GRIK1: variants seen among roughly 807,000 people sequenced by gnomAD.
The protein encoded by GRIK1 is glutamate receptor ionotropic, kainate 1.
Under a neutral mutation model 105.7 loss-of-function variants are expected in GRIK1, and 69 were observed. The ratio of observed to expected loss-of-function variants is 0.65; its 90% CI spans 0.54 to 0.80. The LOEUF (loss-of-function observed/expected upper bound fraction) is 0.80. Ranked by LOEUF, GRIK1 falls within the 30% of genes least tolerant of loss-of-function variation. The probability of loss-of-function intolerance (pLI) is 0.00; values close to 1 mark genes in which losing one functional copy is unlikely to be tolerated. For synonymous variants in GRIK1, 438 were observed against 431.3 expected, an observed-to-expected ratio of 1.02 and a Z score of -0.19; for missense variants, 1,109 against 1,167.3, an observed-to-expected ratio of 0.95 and a Z score of 0.73.
intron 1 of GRIK1, among the ~76,000 whole-genome samples, chr21:29,892,438 C>A (rs1316091755): frequency 6.6e-6 from 1 of 152,158 alleles, no homozygotes; most frequent in East Asian, 1.9e-4. Flanking sequence ...GAATTTGAAA[C>A]CTATAATTGG....
chr21:29,826,302 G>A (rs1252607904), intron 1 of GRIK1, among the ~76,000 whole-genome samples: 22 of 152,072 alleles, frequency 1.4e-4, no homozygotes, highest in Non-Finnish European at 2.9e-5. Flanking sequence ...GTGGGTATGA[G>A]GGTTACTTTT....
chr21:29,910,724 T>C (rs2070783708), intron 1 of GRIK1, among the ~76,000 whole-genome samples: 1 of 152,144 alleles, frequency 6.6e-6, no homozygotes, highest in Non-Finnish European at 1.5e-5. Context: ...GGACATGTTG[T>C]ACTGCATCCT....
intron 1 of GRIK1, among the ~76,000 whole-genome samples, chr21:29,768,452 T>C (rs974901446): frequency 1.3e-5 from 2 of 152,172 alleles, no homozygotes; most frequent in Non-Finnish European, 2.9e-5. Context: ...TACTGAGCTG[T>C]CCACCACTAT....
rs146618561 is a variant in GRIK1 at position 29,695,476 on chromosome 21, CTATA to C, written c.119-1417_119-1414del. 9.9e-3 allele frequency among the ~76,000 whole-genome samples: 1,381 copies of C among 140,010 alleles called. 21 individuals are homozygous for C. Among genetic ancestry groups the C allele is most frequent in the African/African-American group, 0.033 (1,229 of 37,564 alleles). 91.9% of individuals were successfully genotyped at this position (140,010 alleles called of 152,430 possible). On this transcript the variant is annotated intron_variant, in intron 1 of 17. Coordinates refer to ENST00000327783, the MANE Select transcript of GRIK1 (RefSeq NM_001330994.2). ...TCTATCTATCTATCTATCTATCTAT[CTATA>C]TATATATATTTTGAGATGGAGTCTT...
At chr21:29,908,712 G>A (rs1444295931) in intron 1 of GRIK1, among the ~76,000 whole-genome samples, 1 of 152,118 alleles carries the variant, frequency 6.6e-6, no homozygotes, top group Admixed American at 6.6e-5. Flanking sequence ...AAGTAAACAG[G>A]TAACCAGTAT....
intron 1 of GRIK1, among the ~76,000 whole-genome samples, chr21:29,888,240 TCC>T: frequency 7.8e-6 from 1 of 128,752 alleles, no homozygotes; most frequent in East Asian, 2.3e-4. Flanking sequence ...TCTCCTTCCT[TCC>T]TTCCTTCTTT....
intron 15 of GRIK1, among the ~76,000 whole-genome samples, chr21:29,558,716 T>C (rs1485381604): frequency 1.3e-5 from 2 of 149,850 alleles, no homozygotes; most frequent in Non-Finnish European, 3.0e-5. Context: ...TATTTATATA[T>C]ATATTTTTTT....
rs190904420 is a variant in GRIK1, at chr21:29,825,803, T to C, written c.118+113580A>G. Among the ~76,000 whole-genome samples, 32 of 152,234 alleles carry C rather than the reference T, an allele frequency of 2.1e-4. 3 individuals are homozygous for C. Among genetic ancestry groups the C allele is most frequent in the Admixed American group, 1.9e-3 (29 of 15,262 alleles). The stretch of plus-strand genomic sequence containing the variant: ...CTATCCTTTACATAATTTTTAAGTC[T>C]GTAATGCACAGGCAGTCAGATTCTG... On this transcript the variant is annotated intron_variant, in intron 1 of 17. Transcript: ENST00000327783.
At chr21:29,879,308 T>G (rs1366201238) in intron 1 of GRIK1, among the ~76,000 whole-genome samples, 1 of 151,892 alleles carries the variant, frequency 6.6e-6, no homozygotes, top group Non-Finnish European at 1.5e-5. Context: ...GTTAGAGTGA[T>G]CAACAGAGAG....
chr21:29,845,140 G>C (rs1174615348), intron 1 of GRIK1, among the ~76,000 whole-genome samples: 1 of 151,874 alleles, frequency 6.6e-6, no homozygotes, highest in Admixed American at 6.6e-5. Context: ...AGAAACAATG[G>C]GTGCCTATCT....
At chr21:29,656,354 CA>C (rs3054331) in intron 4 of GRIK1, among the ~76,000 whole-genome samples, 81 of 51,098 alleles carry the variant, frequency 1.6e-3, no homozygotes, top group African/African-American at 2.2e-3. Flanking sequence ...GAGCGAGACT[CA>C]AAAAAAAAAA....
chr21:29,576,997 C>A lies in GRIK1; in HGVS notation c.2097G>T (p.Ala699=). The A allele has an allele frequency of 1.9e-6, 3 of 1,611,936 alleles. No individual in the cohort carries two copies. Among genetic ancestry groups the A allele is most frequent in the Non-Finnish European group, 2.5e-6 (3 of 1,178,360 alleles). ...AGGTCATTGTTGATCCATCTCTAACCGCCCCATATTCTATCTTGGTTTGCT... is the reference window on the plus strand; with the variant it reads ...AGGTCATTGTTGATCCATCTCTAACAGCCCCATATTCTATCTTGGTTTGCT... ...LAKQTKIEYG[A]VRDGSTMTFF... is the part of the protein sequence containing the mutation. The change falls in exon 14 of 18, where the codon GCG becomes GCT. Residue 699 remains alanine, a synonymous_variant. Coordinates refer to ENST00000327783, the MANE Select transcript of GRIK1 (RefSeq NM_001330994.2).
intron 1 of GRIK1, among the ~76,000 whole-genome samples, chr21:29,891,272 G>A (rs1348952242): frequency 6.6e-6 from 1 of 152,124 alleles, no homozygotes; most frequent in African/African-American, 2.4e-5. Context: ...GCAGGAATCC[G>A]ATCATTCAGT....
chr21:29,725,097 G>T (rs966808475), intron 1 of GRIK1, among the ~76,000 whole-genome samples: 1 of 151,314 alleles, frequency 6.6e-6, no homozygotes, highest in Non-Finnish European at 1.5e-5. Flanking sequence ...CTCAGTCAAC[G>T]CTCCCTCCAG....
chr21:29,702,259 A>G (rs1269164720), intron 1 of GRIK1, among the ~76,000 whole-genome samples: 1 of 152,200 alleles, frequency 6.6e-6, no homozygotes, highest in African/African-American at 2.4e-5. Flanking sequence ...ATATTTACCT[A>G]TGTACAAAAC....
intron 4 of GRIK1, among the ~76,000 whole-genome samples, chr21:29,655,276 C>T (rs752136151): frequency 2.6e-5 from 4 of 152,022 alleles, no homozygotes; most frequent in African/African-American, 7.2e-5. Flanking sequence ...GGCGTGATGG[C>T]GCATGCCTGT....
At chr21:29,904,963 TC>T (rs2070556322) in intron 1 of GRIK1, among the ~76,000 whole-genome samples, 1 of 152,066 alleles carries the variant, frequency 6.6e-6, no homozygotes. Flanking sequence ...TTCCAAAGGG[TC>T]ACACCGCTAT....
intron 14 of GRIK1, among the ~76,000 whole-genome samples, chr21:29,566,563 T>C (rs1331025808): frequency 6.6e-6 from 1 of 152,238 alleles, no homozygotes; most frequent in Non-Finnish European, 1.5e-5. Context: ...ATTATTTATT[T>C]CTTTTTTCCC....
intron 14 of GRIK1, among the ~76,000 whole-genome samples, chr21:29,572,809 T>G (rs572835552): frequency 1.3e-5 from 2 of 152,274 alleles, no homozygotes; most frequent in Admixed American, 1.3e-4. Flanking sequence ...TTGCTCTTGT[T>G]GCCCAGGCTG....
Sources: allele counts gnomAD v4.1 joint callset (sites outside exome capture counted in the v4.1 genomes callset), GRCh38; gene constraint gnomAD v4.1.1; transcripts MANE v1.5; gene names NCBI Gene and HGNC (gene_info 2026-07-23, HGNC 2026-07-21).